PRKCH: variants seen among roughly 807,000 people sequenced by gnomAD.
PRKCH encodes the protein protein kinase C eta, also known as protein kinase C eta type.
A neutral mutation model predicts 82.5 loss-of-function variants in PRKCH; 28 were observed. That is an observed-to-expected ratio of 0.34 (90% CI 0.25 to 0.47). The LOEUF is 0.47. Ranked by LOEUF, PRKCH falls within the 20% of genes least tolerant of loss-of-function variation. The pLI is 1.00. For missense variants in PRKCH, 705 were observed against 881.8 expected (o/e 0.80, Z 2.54); for synonymous variants, 322 against 327.4 (o/e 0.98, Z 0.18).
At position 61,535,201 on chromosome 14, in the gene PRKCH, A is replaced by G. The variant is rs118135159; in HGVS notation, c.1761+4606A>G. Reference sequence around the variant, plus strand: ...GCATAGCAGGCATGGGTTCTGCAATACTCAGGTTCTGTGCGAGGTGCCAGG... The same window carrying G: ...GCATAGCAGGCATGGGTTCTGCAATGCTCAGGTTCTGTGCGAGGTGCCAGG... On this transcript the variant is annotated intron_variant, in intron 12 of 13. Transcript: ENST00000332981. Among the ~76,000 whole-genome samples, 461 of 152,276 alleles carry G rather than the reference A, an allele frequency of 3.0e-3. 2 individuals are homozygous for G. The highest frequency in any genetic ancestry group is 5.0e-3 in the Non-Finnish European group (343 of 68,028).
intron 1 of PRKCH, among the ~76,000 whole-genome samples, chr14:61,367,394 A>G (rs912464246): frequency 6.7e-6 from 1 of 149,132 alleles, no homozygotes; most frequent in Admixed American, 6.7e-5. Context: ...GTCAGAGGTC[A>G]GCCCTGATGT....
chr14:61,358,291 A>G (rs2046178257), intron 1 of PRKCH, among the ~76,000 whole-genome samples: 1 of 152,212 alleles, frequency 6.6e-6, no homozygotes, highest in Admixed American at 6.5e-5. Context: ...AATAAATGTT[A>G]GCTGCTGCTG....
At chr14:61,371,664 C>T (rs940051762) in intron 1 of PRKCH, among the ~76,000 whole-genome samples, 5 of 151,980 alleles carry the variant, frequency 3.3e-5, no homozygotes, top group Admixed American at 6.6e-5. Context: ...GCTATCAAAA[C>T]GACCTATCAC....
In PRKCH at chr14:61,280,383, G is replaced by C; in HGVS notation, c.-19+92715G>C. The stretch of plus-strand genomic sequence containing the variant: ...TGCGGAACGTGGGCAGCGCCGCCGT[G>C]CGCATCCACACCACGAAGTCCTGAT... On this transcript the variant is annotated intron_variant, in intron 1 of 3. Transcript: ENST00000555185. This position sits in a 1 kb window ranked among gnomAD's most constrained non-coding sequence, Gnocchi z 5.0. The C allele has an allele frequency of 6.2e-7, 1 of 1,614,000 alleles. No homozygotes were observed. The highest frequency in any genetic ancestry group is 8.5e-7 in the Non-Finnish European group (1 of 1,179,904).
intron 10 of PRKCH, among the ~76,000 whole-genome samples, chr14:61,506,599 G>A (rs569675762): frequency 6.6e-6 from 1 of 152,250 alleles, no homozygotes; most frequent in African/African-American, 2.4e-5. Context: ...TTCCATGAAG[G>A]ATGGAAGCAG....
At chr14:61,466,777 C>A (rs111972386) in intron 9 of PRKCH, among the ~76,000 whole-genome samples, 284 of 152,230 alleles carry the variant, frequency 1.9e-3, no homozygotes, top group African/African-American at 5.9e-3. Flanking sequence ...GCTCCGATGC[C>A]GGTCGCTTTT....
At chr14:61,426,392 C>T (rs1883111232) in intron 2 of PRKCH, among the ~76,000 whole-genome samples, 1 of 152,164 alleles carries the variant, frequency 6.6e-6, no homozygotes, top group Non-Finnish European at 1.5e-5. Flanking sequence ...CAAACACAGA[C>T]ACCAGAAACA....
At chr14:61,410,404 A>G (rs1882204482) in intron 2 of PRKCH, among the ~76,000 whole-genome samples, 1 of 152,186 alleles carries the variant, frequency 6.6e-6, no homozygotes, top group Non-Finnish European at 1.5e-5. Flanking sequence ...ACTCTGCTCC[A>G]TGCTGCCTGC....
chr14:61,504,480 G>A (rs1013769884), intron 10 of PRKCH, among the ~76,000 whole-genome samples: 5 of 152,048 alleles, frequency 3.3e-5, no homozygotes, highest in Admixed American at 6.5e-5. Flanking sequence ...ATGAGCCACC[G>A]CACCCAGCCG....
chr14:61,212,489 T>C (rs1410662797), intron 1 of PRKCH, among the ~76,000 whole-genome samples: 1 of 152,260 alleles, frequency 6.6e-6, no homozygotes, highest in African/African-American at 2.4e-5. Flanking sequence ...TAAAATTCTC[T>C]GGTTCCACTC....
At chr14:61,447,519 C>A (rs1884285335) in intron 4 of PRKCH, among the ~76,000 whole-genome samples, 1 of 152,146 alleles carries the variant, frequency 6.6e-6, no homozygotes, top group Non-Finnish European at 1.5e-5. Context: ...GGGACATTTA[C>A]CAACATAGAC....
At chr14:61,235,936 G>T (rs1414235189) in intron 1 of PRKCH, among the ~76,000 whole-genome samples, 1 of 152,200 alleles carries the variant, frequency 6.6e-6, no homozygotes, top group Non-Finnish European at 1.5e-5. Context: ...CTTCCTCTCA[G>T]CTAAGGATAT....
chr14:61,390,161 G>A (rs191531059), intron 1 of PRKCH, among the ~76,000 whole-genome samples: 2 of 152,324 alleles, frequency 1.3e-5, no homozygotes, highest in East Asian at 3.9e-4. Context: ...CCGGTAGGAA[G>A]AGGGGAGTCC....
At chr14:61,448,497 C>G (rs1326763655) in intron 4 of PRKCH, among the ~76,000 whole-genome samples, 1 of 152,104 alleles carries the variant, frequency 6.6e-6, no homozygotes, top group East Asian at 1.9e-4. Context: ...CATTACAAGG[C>G]TGGGTGGAAG....
rs1400949699 is a variant in PRKCH, at chr14:61,550,134, A to C, written c.*303A>C. The stretch of plus-strand genomic sequence containing the variant: ...AGGAGCCAAAAGGAGGGAAAGTGTG[A>C]AGAATAAAGTAGATCTGAGAAATTC... On this transcript the variant is annotated 3_prime_UTR_variant, in exon 14 of 14. Transcript: ENST00000332981. 3 of 264,426 alleles carry C rather than the reference A, an allele frequency of 1.1e-5. No homozygotes were observed. The highest frequency in any genetic ancestry group is 2.2e-5 in the Non-Finnish European group (3 of 138,710). The allele number at this position is 264,426 out of a possible 1,614,324, so 16.4% of individuals were successfully genotyped here. A position where few individuals can be genotyped will look rare whatever the true frequency, so the allele number is the denominator to read the frequency against.
intron 1 of PRKCH, among the ~76,000 whole-genome samples, chr14:61,189,993 T>C (rs2044397298): frequency 6.6e-6 from 1 of 152,196 alleles, no homozygotes; most frequent in Non-Finnish European, 1.5e-5. Context: ...GCACAAGGAC[T>C]TGTTCAATTT....
At chr14:61,510,901 A>T (rs1206290419) in intron 10 of PRKCH, among the ~76,000 whole-genome samples, 1 of 152,142 alleles carries the variant, frequency 6.6e-6, no homozygotes, top group Non-Finnish European at 1.5e-5. Flanking sequence ...CAAAGGTACC[A>T]TATGGTGTGG....
intron 1 of PRKCH, among the ~76,000 whole-genome samples, chr14:61,340,587 C>T (rs1247872816): frequency 6.6e-6 from 1 of 152,182 alleles, no homozygotes; most frequent in African/African-American, 2.4e-5. Context: ...TACTCCGTCT[C>T]CTTTAATCCT....
chr14:61,203,725 C>G (rs1001855619), intron 1 of PRKCH, among the ~76,000 whole-genome samples: 2 of 151,990 alleles, frequency 1.3e-5, no homozygotes, highest in Non-Finnish European at 2.9e-5. Context: ...TACGTAATCC[C>G]AGCACTTTGG....
Sources: allele counts gnomAD v4.1 joint callset (sites outside exome capture counted in the v4.1 genomes callset), GRCh38; gene constraint gnomAD v4.1.1; non-coding constraint Gnocchi (gnomAD v3.1); transcripts MANE v1.5; gene names NCBI Gene and HGNC (gene_info 2026-07-23, HGNC 2026-07-21).